IFT27: variants seen among roughly 807,000 people sequenced by gnomAD.
IFT27 encodes the protein intraflagellar transport protein 27 homolog.
Under a neutral mutation model 23.9 loss-of-function variants are expected in IFT27, and 19 were observed. The observed-to-expected ratio is 0.79, with a 90% CI of 0.55 to 1.16. IFT27 has a LOEUF of 1.16. IFT27 is among the 50% of genes most tolerant of loss of function. IFT27 has a pLI of 0.00. For synonymous variants in IFT27, 91 were observed against 89.1 expected (o/e 1.02, Z -0.12); for missense variants, 206 against 228.7 (o/e 0.90, Z 0.64).
At chr22:36,761,929 T>C (rs1047047465) in intron 6 of IFT27, 1 of 152,258 alleles carries the variant, frequency 6.6e-6, no homozygotes, top group Non-Finnish European at 1.5e-5. Context: ...GACTCAATTC[T>C]GAGGGCCACA....
intron 4 of IFT27, among the ~76,000 whole-genome samples, chr22:36,764,828 C>T (rs760420133): frequency 6.6e-6 from 1 of 152,220 alleles, no homozygotes; most frequent in Non-Finnish European, 1.5e-5. Context: ...TGTAGAATGG[C>T]CCTGTACAGG....
chr22:36,766,162 C>G lies in IFT27; in HGVS notation c.210G>C (p.Leu70=), dbSNP rs761548641. Residue 70 remains leucine, a synonymous_variant, in exon 4 of 7, where the codon CTG becomes CTC. Transcript: ENST00000433985. ...LFIFDSAGKE[L]FSEMLDKLWE... Reference sequence around the variant, plus strand: ...CCAATTTATCCAGCATTTCCGAAAACAGCTCCTTGCCAGCAGAGTCAAAAA... The same window carrying G: ...CCAATTTATCCAGCATTTCCGAAAAGAGCTCCTTGCCAGCAGAGTCAAAAA... 1.9e-6 allele frequency: 3 copies of G among 1,614,184 alleles called. No homozygotes were observed. The highest frequency in any genetic ancestry group is 1.3e-5 in the African/African-American group (1 of 75,048).
At chr22:36,762,802 A>G (rs1022652754) in intron 6 of IFT27, 102 bp downstream of exon 6, 2 of 594,144 alleles carry the variant, frequency 3.4e-6, no homozygotes, top group African/African-American at 3.8e-5. Flanking sequence ...GAGACTCTGC[A>G]TATGGTGGAA....
chr22:36,771,637 G>A (rs1938388149), intron 1 of IFT27, among the ~76,000 whole-genome samples: 1 of 152,110 alleles, frequency 6.6e-6, no homozygotes, highest in African/African-American at 2.4e-5. Context: ...TGACAACCCC[G>A]ACCTCTGCCC....
intron 5 of IFT27, 114 bp downstream of exon 5, chr22:36,763,805 A>G (rs1938162890): frequency 3.7e-6 from 3 of 806,462 alleles, no homozygotes; most frequent in Admixed American, 3.8e-5. Context: ...TTAGGCCATC[A>G]AAGTCCAAGC....
chr22:36,767,229 G>A (rs1938273246), intron 3 of IFT27, 77 bp downstream of exon 3: 1 of 1,149,128 alleles, frequency 8.7e-7, no homozygotes, highest in Non-Finnish European at 1.3e-6. Context: ...TCTCTCCTAG[G>A]GAGGATGGTG....
intron 5 of IFT27, 68 bp from the exon 6 acceptor site, chr22:36,763,081 G>A: frequency 1.7e-6 from 2 of 1,174,998 alleles, no homozygotes; most frequent in South Asian, 2.9e-5. Context: ...CGGGCGAGAT[G>A]AGAGCACTAT....
intron 4 of IFT27, among the ~76,000 whole-genome samples, chr22:36,764,334 G>A (rs1285667375): frequency 6.6e-6 from 1 of 152,260 alleles, no homozygotes; most frequent in African/African-American, 2.4e-5. Flanking sequence ...TAGAGTGTCT[G>A]AATATTTCCA....
chr22:36,766,004 A>G, intron 4 of IFT27, 134 bp downstream of exon 4: 1 of 762,974 alleles, frequency 1.3e-6, no homozygotes, highest in Non-Finnish European at 2.3e-6. Flanking sequence ...GCTGGGAGGA[A>G]TGCCCCTTAA....
intron 1 of IFT27, among the ~76,000 whole-genome samples, chr22:36,770,175 C>A (rs1020001378): frequency 2.0e-5 from 3 of 152,180 alleles, no homozygotes; most frequent in African/African-American, 7.2e-5. Context: ...GAGAGGATGA[C>A]GTCTGCAAGG....
chr22:36,766,248 C>A (rs143187070), intron 3 of IFT27, 51 bp from the exon 4 acceptor site: 25 of 1,490,608 alleles, frequency 1.7e-5, no homozygotes, highest in African/African-American at 1.7e-4. Context: ...CCACAAGCTA[C>A]GAGTCACTGG....
chr22:36,772,433 T>C, intron 1 of IFT27: 1 of 874,068 alleles, frequency 1.1e-6, no homozygotes, highest in Non-Finnish European at 1.4e-6. Context: ...TGAGTTAATA[T>C]GCACAGTGCC....
chr22:36,768,138 G>A (rs1938302139), intron 1 of IFT27: 1 of 571,060 alleles, frequency 1.8e-6, no homozygotes. Flanking sequence ...AGGGCTTTGG[G>A]GCCCTGGAAA....
chr22:36,769,060 G>A (rs975941576), intron 1 of IFT27, among the ~76,000 whole-genome samples: 8 of 152,130 alleles, frequency 5.3e-5, no homozygotes, highest in Admixed American at 1.3e-4. Context: ...TCCCTTGTAA[G>A]ACAATTATTT....
intron 4 of IFT27, among the ~76,000 whole-genome samples, chr22:36,764,290 C>G (rs1938184454): frequency 6.6e-6 from 1 of 152,410 alleles, no homozygotes; most frequent in Non-Finnish European, 1.5e-5. Context: ...CTGCTGGGCA[C>G]TTCCGTGCCT....
chr22:36,768,424 C>T (rs1186462657), intron 1 of IFT27: 1 of 258,366 alleles, frequency 3.9e-6, no homozygotes, highest in Non-Finnish European at 7.7e-6. Context: ...TATGCTCCAT[C>T]TCCATCGCAG....
intron 4 of IFT27, among the ~76,000 whole-genome samples, chr22:36,764,358 GA>G (rs1666091420): frequency 6.6e-6 from 1 of 152,268 alleles, no homozygotes; most frequent in Admixed American, 6.5e-5. Flanking sequence ...TGTAGCTGAA[GA>G]AACCAAATTC....
intron 2 of IFT27, 24 bp downstream of exon 2, chr22:36,767,759 C>T (rs1417335386): frequency 6.3e-7 from 1 of 1,597,550 alleles, no homozygotes; most frequent in Non-Finnish European, 8.6e-7. Context: ...TAAGCTGTGG[C>T]CAGGTCTTGA....
chr22:36,761,974 G>C (rs1022196445), intron 6 of IFT27: 1 of 152,246 alleles, frequency 6.6e-6, no homozygotes, highest in Non-Finnish European at 1.5e-5. Flanking sequence ...TGAGGTCCAA[G>C]TTACGACCAT....
Sources: gnomAD v4.1 joint callset for allele counts (sites outside exome capture counted in the v4.1 genomes callset) on GRCh38, gnomAD v4.1.1 for gene constraint, MANE v1.5 for transcripts, NCBI Gene and HGNC (gene_info 2026-07-23, HGNC 2026-07-21) for gene names.